Variants in ANKS1B observed in about 807,000 individuals in gnomAD.
The protein encoded by ANKS1B is ankyrin repeat and sterile alpha motif domain containing 1B.
A neutral mutation model predicts 148.3 loss-of-function variants in ANKS1B; 36 were observed. That is an observed-to-expected ratio of 0.24 (90% CI 0.19 to 0.32). ANKS1B has a LOEUF of 0.32. ANKS1B is among the 10% of genes least tolerant of loss of function. The pLI, the probability that ANKS1B is intolerant of heterozygous loss-of-function variation, is 1.00. For missense variants in ANKS1B, 1,157 were observed against 1,542.6 expected (o/e 0.75, Z 4.19); for synonymous variants, 542 against 560.8 (o/e 0.97, Z 0.47).
chr12:98,967,184 T>C (rs2099878866), intron 17 of ANKS1B, among the ~76,000 whole-genome samples: 1 of 152,130 alleles, frequency 6.6e-6, no homozygotes, highest in Non-Finnish European at 1.5e-5. Context: ...AAAGGCTCCT[T>C]CTGAGTCAAA....
intron 1 of ANKS1B, among the ~76,000 whole-genome samples, chr12:99,922,761 T>C (rs905024851): frequency 5.3e-5 from 8 of 151,904 alleles, no homozygotes; most frequent in African/African-American, 1.9e-4. Context: ...GTGATTAGGG[T>C]ATGAAGGCTC....
intron 8 of ANKS1B, among the ~76,000 whole-genome samples, chr12:99,710,898 A>G (rs376269093): frequency 2.6e-5 from 4 of 151,790 alleles, no homozygotes; most frequent in Admixed American, 1.3e-4. Flanking sequence ...TTTTCCCTCA[A>G]CTCTTTCCAT....
chr12:98,739,942 T>C (rs1049323634), downstream of ANKS1B, among the ~76,000 whole-genome samples: 2 of 152,134 alleles, frequency 1.3e-5, no homozygotes, highest in African/African-American at 2.4e-5. Context: ...CTTCTCCTTA[T>C]GGCCATTGGC....
rs768691867 is a variant in ANKS1B at position 99,380,792 on chromosome 12, CCTTCCTTCCTTT to C, written c.1756+18827_1756+18838del. On this transcript the variant is annotated intron_variant, in intron 12 of 26. Coordinates refer to ENST00000683438, the MANE Select transcript of ANKS1B (RefSeq NM_001352186.2). ...TCCTTCCTTCCTTCCTTCCTTCCTT[CCTTCCTTCCTTT>C]CTCATGCTCCACAACAAACATTTGT... 4.4e-3 allele frequency among the ~76,000 whole-genome samples: 580 copies of C among 131,472 alleles called. 6 individuals carry two copies. The highest frequency in any genetic ancestry group is 0.033 in the East Asian group (149 of 4,518). The allele number at this position is 131,472 out of a possible 152,430, so 86.3% of individuals were successfully genotyped here.
intron 1 of ANKS1B, among the ~76,000 whole-genome samples, chr12:99,860,323 G>C (rs563708347): frequency 6.6e-6 from 1 of 152,292 alleles, no homozygotes; most frequent in South Asian, 2.1e-4. Context: ...GGAGATATGA[G>C]ACTGCTAACA....
At chr12:99,783,206 G>A (rs865933613) in intron 4 of ANKS1B, among the ~76,000 whole-genome samples, 2,845 of 144,478 alleles carry the variant, frequency 0.02, 45 homozygotes, top group Non-Finnish European at 0.032. Flanking sequence ...AAAAAAAAAA[G>A]AAAAGAAAAA....
chr12:99,132,409 G>A (rs907995591), intron 15 of ANKS1B, among the ~76,000 whole-genome samples: 1 of 151,932 alleles, frequency 6.6e-6, no homozygotes, highest in East Asian at 1.9e-4. Context: ...GGGAGGCTGA[G>A]ATGAGAGGAC....
chr12:98,771,525 T>A (rs755877828), intron 25 of ANKS1B, among the ~76,000 whole-genome samples: 5 of 152,078 alleles, frequency 3.3e-5, no homozygotes, highest in Non-Finnish European at 5.9e-5. Context: ...CTGGGCTAGA[T>A]GGCAGTGGTG....
intron 25 of ANKS1B, among the ~76,000 whole-genome samples, chr12:98,765,170 T>G (rs1234819248): frequency 6.6e-6 from 1 of 152,232 alleles, no homozygotes; most frequent in African/African-American, 2.4e-5. Context: ...GTGCTGGAAA[T>G]GCGTATGTGT....
chr12:99,208,573 G>A (rs1342472342), intron 14 of ANKS1B, among the ~76,000 whole-genome samples: 1 of 152,064 alleles, frequency 6.6e-6, no homozygotes, highest in Non-Finnish European at 1.5e-5. Context: ...TGGTTATTGT[G>A]CTAAAATGTT....
intron 15 of ANKS1B, among the ~76,000 whole-genome samples, chr12:99,129,483 G>A (rs899786106): frequency 2.6e-5 from 4 of 152,248 alleles, no homozygotes; most frequent in African/African-American, 9.6e-5. Context: ...TTGAGGTGCA[G>A]TCACAAAAGG....
intron 3 of ANKS1B, among the ~76,000 whole-genome samples, chr12:99,810,974 T>A (rs573314364): frequency 6.6e-6 from 1 of 152,054 alleles, no homozygotes; most frequent in East Asian, 1.9e-4. Flanking sequence ...TAGCATGATA[T>A]GATGATAAAG....
At chr12:99,923,672 A>G (rs1304023611) in intron 1 of ANKS1B, among the ~76,000 whole-genome samples, 36 of 152,178 alleles carry the variant, frequency 2.4e-4, no homozygotes, top group Admixed American at 2.4e-3. Flanking sequence ...GATTCCTTGG[A>G]TGGTGCCTTG....
At chr12:99,086,477 T>C (rs186805782) in intron 15 of ANKS1B, among the ~76,000 whole-genome samples, 210 of 152,278 alleles carry the variant, frequency 1.4e-3, no homozygotes, top group African/African-American at 4.8e-3. Context: ...CTGACCATAA[T>C]GGGTAGCCAT....
chr12:99,481,673 C>T (rs942119558), intron 10 of ANKS1B, among the ~76,000 whole-genome samples: 5 of 151,952 alleles, frequency 3.3e-5, no homozygotes, highest in Admixed American at 6.6e-5. Context: ...AATAGGTGTT[C>T]CCCTTTCCCC....
chr12:99,598,146 T>A (rs1435373504), intron 9 of ANKS1B, among the ~76,000 whole-genome samples: 1 of 151,986 alleles, frequency 6.6e-6, no homozygotes, highest in African/African-American at 2.4e-5. Context: ...AGATAAAACA[T>A]ATAGATAAAA....
At chr12:98,793,523 A>C (rs115306921) in intron 22 of ANKS1B, among the ~76,000 whole-genome samples, 1 of 152,368 alleles carries the variant, frequency 6.6e-6, no homozygotes, top group African/African-American at 2.4e-5. Context: ...CTGCACAGCA[A>C]AGGAAACAAC....
intron 15 of ANKS1B, among the ~76,000 whole-genome samples, chr12:99,123,264 T>C (rs948357052): frequency 6.6e-6 from 1 of 151,934 alleles, no homozygotes; most frequent in Non-Finnish European, 1.5e-5. Flanking sequence ...TGCCTCTTGA[T>C]ATGGTGACAT....
At chr12:99,116,552 C>T (rs2061471071) in intron 15 of ANKS1B, among the ~76,000 whole-genome samples, 1 of 151,954 alleles carries the variant, frequency 6.6e-6, no homozygotes, top group African/African-American at 2.4e-5. Context: ...GATATTTTGA[C>T]CTTCTTGGGT....
Sources: gnomAD v4.1 joint callset for allele counts (sites outside exome capture counted in the v4.1 genomes callset) on GRCh38, gnomAD v4.1.1 for gene constraint, MANE v1.5 for transcripts, NCBI Gene and HGNC (gene_info 2026-07-23, HGNC 2026-07-21) for gene names.